The following IKZF1 variants were observed in gnomAD, a reference collection of about 807,000 sequenced individuals.
IKZF1 encodes DNA-binding protein Ikaros.
IKZF1 carries 10 observed loss-of-function variants against 51.7 expected under a neutral mutation model. The observed-to-expected ratio is 0.19, with a 90% confidence interval of 0.12 to 0.33. IKZF1 has a LOEUF of 0.33. Among genes scored for constraint, IKZF1 ranks in the 10% least tolerant of loss-of-function variants. The pLI is 1.00. For missense variants in IKZF1, 484 were observed against 707.5 expected, an observed-to-expected ratio of 0.68 and a Z score of 3.58; for synonymous variants, 280 against 282.3, an observed-to-expected ratio of 0.99 and a Z score of 0.08.
At chr7:50,314,815 T>C (rs911616969) in intron 1 of IKZF1, among the ~76,000 whole-genome samples, 2 of 152,150 alleles carry the variant, frequency 1.3e-5, no homozygotes, top group African/African-American at 2.4e-5. Flanking sequence ...TCAGAATGAG[T>C]TCACTTCCCA....
intron 6 of IKZF1, among the ~76,000 whole-genome samples, chr7:50,388,048 G>C (rs1479781051): frequency 2.6e-5 from 4 of 152,104 alleles, no homozygotes; most frequent in Non-Finnish European, 5.9e-5. Context: ...TAGGAGCTGT[G>C]ATGCTCCACT....
intron 1 of IKZF1, among the ~76,000 whole-genome samples, chr7:50,318,728 G>A (rs1427233945): frequency 6.6e-6 from 1 of 152,184 alleles, no homozygotes; most frequent in African/African-American, 2.4e-5. Context: ...CAATGACCCA[G>A]GGCCATTTAA....
chr7:50,331,884 T>C, intron 3 of IKZF1, among the ~76,000 whole-genome samples: 1 of 152,344 alleles, frequency 6.6e-6, no homozygotes, highest in African/African-American at 2.4e-5. Flanking sequence ...GAATTTAAGT[T>C]AGACTTAAAG....
At chr7:50,389,639 G>A (rs750312474) in intron 6 of IKZF1, among the ~76,000 whole-genome samples, 5 of 152,184 alleles carry the variant, frequency 3.3e-5, no homozygotes, top group Admixed American at 6.5e-5. Flanking sequence ...AATATCTTTC[G>A]ACAGTCACCT....
chr7:50,375,263 C>A (rs971789175), intron 3 of IKZF1, among the ~76,000 whole-genome samples: 20 of 151,948 alleles, frequency 1.3e-4, no homozygotes, highest in Non-Finnish European at 8.8e-5. Context: ...CTACAAAAAA[C>A]ACCAAAAAAA....
chr7:50,357,136 G>A (rs1209265913), intron 3 of IKZF1, among the ~76,000 whole-genome samples: 2 of 151,934 alleles, frequency 1.3e-5, no homozygotes, highest in African/African-American at 4.8e-5. Context: ...CCTGTGGAGT[G>A]TTATAACCGA....
chr7:50,396,408 C>T (rs898858061), intron 7 of IKZF1, among the ~76,000 whole-genome samples: 1 of 151,966 alleles, frequency 6.6e-6, no homozygotes, highest in African/African-American at 2.4e-5. Context: ...TCCTGAGACC[C>T]GAAATCTCTT....
intron 3 of IKZF1, among the ~76,000 whole-genome samples, chr7:50,356,480 G>A (rs538811675): frequency 6.6e-6 from 1 of 152,200 alleles, no homozygotes; most frequent in Non-Finnish European, 1.5e-5. Flanking sequence ...GAGTGTGTGA[G>A]TGTGTCTTTG....
At position 50,399,917 on chromosome 7, in the gene IKZF1, G is replaced by T; in HGVS notation, c.851-1G>T. ...CACTCACTGTCGCCTGCTTTCCACA[G>T]GGGACAAGGGCCTGTCCGACACGCC... On this transcript the variant is annotated splice_acceptor_variant, in intron 7 of 7. Coordinates refer to ENST00000331340, the MANE Select transcript of IKZF1 (RefSeq NM_006060.6). LOFTEE classifies it high-confidence loss of function. 1 of 1,608,882 alleles carries T rather than the reference G, an allele frequency of 6.2e-7. No individual in the cohort carries two copies. Among genetic ancestry groups the T allele is most frequent in the Non-Finnish European group, 8.5e-7 (1 of 1,178,518 alleles).
intron 3 of IKZF1, among the ~76,000 whole-genome samples, chr7:50,347,648 G>A (rs986183062): frequency 6.6e-6 from 1 of 152,100 alleles, no homozygotes; most frequent in Non-Finnish European, 1.5e-5. Flanking sequence ...ATTTTTAATT[G>A]AATTTCGTTT....
chr7:50,360,572 C>T (rs968501798), intron 3 of IKZF1, among the ~76,000 whole-genome samples: 5 of 152,338 alleles, frequency 3.3e-5, no homozygotes, highest in Admixed American at 2.0e-4. Context: ...CCCTTTTACA[C>T]CGGCAGCAAC....
In IKZF1 at chr7:50,327,771, C is replaced by T. The variant is rs1402026269; in HGVS notation, c.160+14C>T. 3 of 1,602,776 alleles carry T rather than the reference C, an allele frequency of 1.9e-6. No homozygotes were observed. Among genetic ancestry groups the T allele is most frequent in the Non-Finnish European group, 8.5e-7 (1 of 1,174,818 alleles). ...ACAGAGTCGTGGGTAAGTGGGTCAC[C>T]AGCGGCCTCTGTGCCTGTGAAACCT... On this transcript the variant is annotated intron_variant, in intron 3 of 7. Transcript: ENST00000331340.
chr7:50,376,615 T>A lies in IKZF1; in HGVS notation c.243T>A (p.Asp81Glu), dbSNP rs2153469088. The A allele has an allele frequency of 6.2e-7, 1 of 1,613,892 alleles. No homozygotes were observed. The highest frequency in any genetic ancestry group is 8.5e-7 in the Non-Finnish European group (1 of 1,179,868). The stretch of plus-strand genomic sequence containing the variant: ...TGAATGGGGAAGAATGTGCGGAGGA[T>A]TTACGAATGCTTGATGCCTCGGGAG... Reference protein sequence around the residue: ...CEMNGEECAEDLRMLDASGEK... With the variant: ...CEMNGEECAEELRMLDASGEK... The change falls in exon 4 of 8, where the codon GAT becomes GAA. Residue 81 changes from aspartate (D) to glutamate (E), a missense_variant. By Grantham distance (45) the Asp-to-Glu change is conservative. Coordinates refer to ENST00000331340, the MANE Select transcript of IKZF1 (RefSeq NM_006060.6). The surrounding 1 kb of genome is among the most constrained non-coding windows in gnomAD (Gnocchi z 4.5).
chr7:50,400,184 C>G lies in IKZF1; in HGVS notation c.1117C>G (p.Leu373Val). The G allele has an allele frequency of 6.4e-7, 1 of 1,570,854 alleles. No individual in the cohort carries two copies. The highest frequency in any genetic ancestry group is 8.6e-7 in the Non-Finnish European group (1 of 1,159,412). The change falls in exon 8 of 8, where the codon CTG becomes GTG. Residue 373 changes from leucine (L) to valine (V), a missense_variant. Coordinates refer to ENST00000331340, the MANE Select transcript of IKZF1 (RefSeq NM_006060.6). The surrounding 1 kb of genome is among the most constrained non-coding windows in gnomAD (Gnocchi z 5.4). ...GGCCCAGGACAGCGCCGTGGAGAAC[C>G]TGCTGCTGCTCTCCAAGGCCAAGTT... is the stretch of plus-strand genomic sequence containing the variant. ...HSAQDSAVEN[L>V]LLLSKAKLVP...
intron 3 of IKZF1, chr7:50,367,942 A>T (rs1454286369): frequency 8.1e-6 from 5 of 614,574 alleles, no homozygotes; most frequent in Non-Finnish European, 1.4e-5. Context: ...GCTTTCTGTT[A>T]AACTCTGACT....
Position 50,327,663 on chromosome 7 carries a change from T to C in IKZF1, c.66T>C (p.Asp22=). The C allele has an allele frequency of 6.2e-7, 1 of 1,613,198 alleles. No homozygotes were observed. The highest frequency in any genetic ancestry group is 1.1e-5 in the South Asian group (1 of 90,894). Residue 22 remains aspartate (D), a synonymous_variant, in exon 3 of 8, where the codon GAT becomes GAC. Coordinates refer to ENST00000331340, the MANE Select transcript of IKZF1 (RefSeq NM_006060.6). ...VSGKESPPVS[D]TPDEGDEPMP... is the part of the protein sequence containing the mutation. The stretch of plus-strand genomic sequence containing the variant: ...GGAAGGAAAGCCCCCCTGTAAGCGA[T>C]ACTCCAGATGAGGGCGATGAGCCCA...
intron 3 of IKZF1, among the ~76,000 whole-genome samples, chr7:50,332,900 A>G (rs904175337): frequency 0.2 from 30,902 of 151,968 alleles, 3,834 homozygotes; most frequent in African/African-American, 0.36. Context: ...CCAACTCCTG[A>G]AGTTGGGAGG....
chr7:50,380,063 C>G (rs1290740053), intron 4 of IKZF1, among the ~76,000 whole-genome samples: 1 of 152,138 alleles, frequency 6.6e-6, no homozygotes, highest in African/African-American at 2.4e-5. Flanking sequence ...AATGATGGAC[C>G]CCGGCCACGC....
chr7:50,371,334 A>G (rs185653406), intron 3 of IKZF1, among the ~76,000 whole-genome samples: 90 of 152,224 alleles, frequency 5.9e-4, no homozygotes, highest in African/African-American at 2.1e-3. Context: ...AGGAGGATGG[A>G]TTTCAAAATG....
Sources: gnomAD v4.1 joint callset for allele counts (sites outside exome capture counted in the v4.1 genomes callset) on GRCh38, gnomAD v4.1.1 for gene constraint, Gnocchi (gnomAD v3.1) non-coding constraint, MANE v1.5 for transcripts, NCBI Gene and HGNC (gene_info 2026-07-23, HGNC 2026-07-21) for gene names.